SNX18: variants seen among roughly 807,000 people sequenced by gnomAD.
The protein encoded by SNX18 is sorting nexin-18.
In SNX18, 35 loss-of-function variants were observed where a neutral mutation model predicts 48.7. That is an observed-to-expected ratio of 0.72 (90% CI 0.55 to 0.95). The LOEUF is 0.95. SNX18 is among the 40% of genes least tolerant of loss of function. The pLI is 0.00. For synonymous variants in SNX18, 492 were observed against 384.7 expected, an observed-to-expected ratio of 1.28 and a Z score of -3.26; for missense variants, 824 against 871.0, an observed-to-expected ratio of 0.95 and a Z score of 0.68.
the SNX18 span, among the ~76,000 whole-genome samples, chr5:54,577,900 T>C: frequency 6.6e-6 from 1 of 152,108 alleles, no homozygotes; most frequent in Non-Finnish European, 1.5e-5. Context: ...GGGTCCACAG[T>C]GTGAAGAAGT....
chr5:54,630,636 C>G, the SNX18 span, among the ~76,000 whole-genome samples: 1 of 152,058 alleles, frequency 6.6e-6, no homozygotes, highest in African/African-American at 2.4e-5. Flanking sequence ...GAGTTCAAGA[C>G]CAGCCTGGCC....
the SNX18 span, among the ~76,000 whole-genome samples, chr5:54,641,829 G>A: frequency 1.8e-4 from 27 of 152,130 alleles, no homozygotes; most frequent in Non-Finnish European, 2.6e-4. Context: ...GGTGCAACGC[G>A]GCAGCATTGC....
At chr5:54,583,456 G>A in the SNX18 span, among the ~76,000 whole-genome samples, 4 of 152,216 alleles carry the variant, frequency 2.6e-5, no homozygotes, top group Admixed American at 2.0e-4. Flanking sequence ...GCTATCTGGA[G>A]AAGCTGTGTC....
rs1192311371 is a variant in SNX18 at position 54,527,293 on chromosome 5, A to G, written c.1621+7720A>G. On this transcript the variant is annotated intron_variant, in intron 1 of 1. Transcript: ENST00000381410. ...GGAGCTAGTAGGAAATACTCCAGTA[A>G]TCCAGGTGAGAGATGCTGGTGGCCT... Among the ~76,000 whole-genome samples, 5 of 151,354 alleles carry G rather than the reference A, an allele frequency of 3.3e-5. 1 individual carries two copies. Among genetic ancestry groups the G allele is most frequent in the African/African-American group, 1.2e-4 (5 of 41,420 alleles).
the SNX18 span, among the ~76,000 whole-genome samples, chr5:54,576,122 C>T: frequency 9.7e-3 from 1,483 of 152,250 alleles, 18 homozygotes; most frequent in African/African-American, 0.033. Flanking sequence ...ATTCTCTCCC[C>T]AGCCATAGCC....
chr5:54,624,130 A>T, the SNX18 span, among the ~76,000 whole-genome samples: 74,647 of 152,110 alleles, frequency 0.49, 19,518 homozygotes, highest in African/African-American at 0.67. Context: ...CAGCATCTTA[A>T]GAGATCAAAC....
At chr5:54,554,591 C>T in the SNX18 span, among the ~76,000 whole-genome samples, 2 of 152,172 alleles carry the variant, frequency 1.3e-5, no homozygotes, top group South Asian at 2.1e-4. Context: ...AACACATGGC[C>T]TGTAATGAAC....
intron 1 of SNX18, among the ~76,000 whole-genome samples, chr5:54,538,475 C>G (rs72765744): frequency 0.059 from 8,951 of 152,154 alleles, 361 homozygotes; most frequent in Middle Eastern, 0.11. Context: ...CAGAACTAGT[C>G]AATTGACTTC....
intron 1 of SNX18, among the ~76,000 whole-genome samples, chr5:54,530,891 A>C (rs1297199987): frequency 1.3e-5 from 2 of 151,162 alleles, no homozygotes; most frequent in South Asian, 2.1e-4. Context: ...AGCTGGGATT[A>C]TAGGTGCCCG....
chr5:54,537,546 G>A (rs1762381069), intron 1 of SNX18, among the ~76,000 whole-genome samples: 2 of 151,978 alleles, frequency 1.3e-5, no homozygotes, highest in South Asian at 4.2e-4. Flanking sequence ...GAGTACTGTG[G>A]GATCTTTTGT....
At position 54,518,963 on chromosome 5, in the gene SNX18, G is replaced by A. The variant is rs780104295; in HGVS notation, c.1011G>A (p.Glu337=). 1.2e-6 allele frequency: 2 copies of A among 1,613,742 alleles called. No individual in the cohort carries two copies. Among genetic ancestry groups the A allele is most frequent in the East Asian group, 2.2e-5 (1 of 44,850 alleles). The change falls in exon 1 of 2, where the codon GAG becomes GAA. Residue 337 remains glutamate, a synonymous_variant. Coordinates refer to ENST00000381410, the MANE Select transcript of SNX18 (RefSeq NM_001102575.2). The stretch of plus-strand genomic sequence containing the variant: ...TCATCTCCGTGCCCCACCTGCCCGA[G>A]AAGCAGGCCACCGGCCGCTTCGAGG... ...FPVISVPHLP[E]KQATGRFEED...
At chr5:54,639,484 A>C in the SNX18 span, among the ~76,000 whole-genome samples, 2 of 152,228 alleles carry the variant, frequency 1.3e-5, no homozygotes, top group Non-Finnish European at 2.9e-5. Context: ...TGCCAAAATA[A>C]TATTATCTAA....
At chr5:54,588,306 C>CTT in the SNX18 span, among the ~76,000 whole-genome samples, 12 of 73,908 alleles carry the variant, frequency 1.6e-4, 1 homozygote, top group East Asian at 4.0e-4. Context: ...TATTTCTATT[C>CTT]TTTTTTTTTT....
At chr5:54,528,845 A>G (rs1021943672) in intron 1 of SNX18, among the ~76,000 whole-genome samples, 4 of 152,220 alleles carry the variant, frequency 2.6e-5, no homozygotes, top group African/African-American at 9.6e-5. Flanking sequence ...GGGCCGAACC[A>G]TATGGGATCC....
the SNX18 span, among the ~76,000 whole-genome samples, chr5:54,604,873 T>C: frequency 2.6e-5 from 4 of 152,172 alleles, no homozygotes; most frequent in Non-Finnish European, 5.9e-5. Context: ...TGTCTAGGGA[T>C]GGCCTTTCTG....
chr5:54,559,741 G>A, the SNX18 span, among the ~76,000 whole-genome samples: 9 of 152,134 alleles, frequency 5.9e-5, no homozygotes, highest in Admixed American at 1.3e-4. Context: ...AAGAGCTTCT[G>A]TACAGCAAAA....
In SNX18 at chr5:54,518,425, G is replaced by A; in HGVS notation, c.473G>A (p.Trp158Ter). ...AGCGATGATGACTGGGACGACGAGT[G>A]GGACGACAGCTCCACGGTGGCGGAC... ...QGSDDDWDDE[W>*]DDSSTVADEP... Residue 158 changes from tryptophan to a stop codon, truncating the protein, a stop_gained, in exon 1 of 2, where the codon TGG (tryptophan) becomes TAG (stop). Transcript: ENST00000381410. LOFTEE classifies it high-confidence loss of function. The A allele has an allele frequency of 2.5e-6, 4 of 1,583,100 alleles. No individual in the cohort carries two copies. The highest frequency in any genetic ancestry group is 3.4e-6 in the Non-Finnish European group (4 of 1,165,538).
chr5:54,593,800 C>T, the SNX18 span, among the ~76,000 whole-genome samples: 2 of 152,206 alleles, frequency 1.3e-5, no homozygotes, highest in East Asian at 3.9e-4. Flanking sequence ...ATAGTCCTCT[C>T]AACAAATGGT....
chr5:54,627,947 A>T, the SNX18 span, among the ~76,000 whole-genome samples: 2 of 152,120 alleles, frequency 1.3e-5, no homozygotes, highest in African/African-American at 2.4e-5. Context: ...CTTATTGCAG[A>T]TTTCCATTAC....
Sources: gnomAD v4.1 joint callset for allele counts (sites outside exome capture counted in the v4.1 genomes callset) on GRCh38, gnomAD v4.1.1 for gene constraint, MANE v1.5 for transcripts, NCBI Gene and HGNC (gene_info 2026-07-23, HGNC 2026-07-21) for gene names.